The following PCDH9 variants were observed in gnomAD, a reference collection of about 807,000 sequenced individuals.
PCDH9 encodes protocadherin 9, also known as protocadherin-9.
A neutral mutation model predicts 70.6 loss-of-function variants in PCDH9; 24 were observed. The ratio of observed to expected loss-of-function variants is 0.34; its 90% CI spans 0.25 to 0.48. The LOEUF is 0.48. PCDH9 is among the 20% of genes least tolerant of loss of function. The probability of loss-of-function intolerance (pLI) is 0.99; values close to 1 mark genes in which losing one functional copy is unlikely to be tolerated. For missense variants in PCDH9, 1,281 were observed against 1,503.6 expected, an observed-to-expected ratio of 0.85 and a Z score of 2.45; for synonymous variants, 562 against 558.5, an observed-to-expected ratio of 1.01 and a Z score of -0.09.
intron 4 of PCDH9, among the ~76,000 whole-genome samples, chr13:66,490,614 G>T (rs1022017609): frequency 1.3e-5 from 2 of 151,906 alleles, no homozygotes; most frequent in East Asian, 1.9e-4. Flanking sequence ...AGATCAATTC[G>T]TAATGTTTAA....
At chr13:66,555,405 G>A (rs1961687948) in intron 4 of PCDH9, among the ~76,000 whole-genome samples, 1 of 107,306 alleles carries the variant, frequency 9.3e-6, no homozygotes, top group African/African-American at 3.2e-5. Flanking sequence ...TCTGAATAGT[G>A]GCTACATTCT....
In PCDH9 at chr13:66,760,130, C is replaced by T. The variant is rs190142939; in HGVS notation, c.3139-128719G>A. Among the ~76,000 whole-genome samples, 109 of 152,042 alleles carry T rather than the reference C, an allele frequency of 7.2e-4. No homozygotes were observed. In the East Asian group the frequency reaches 0.013, roughly 18 times the overall value. On this transcript the variant is annotated intron_variant, in intron 3 of 4. Coordinates refer to ENST00000377865, the MANE Select transcript of PCDH9 (RefSeq NM_203487.3). ...TGCAGGATATAGTATTTTTGGTTGC[C>T]GGTCATTTTTTTTCCCCCTTCAGCA...
chr13:66,604,614 G>C (rs950299080), intron 4 of PCDH9, among the ~76,000 whole-genome samples: 1 of 151,888 alleles, frequency 6.6e-6, no homozygotes, highest in African/African-American at 2.4e-5. Context: ...ATTTTTTCCT[G>C]AGGTGATTAC....
chr13:66,455,121 G>A, intron 4 of PCDH9, among the ~76,000 whole-genome samples: 1 of 151,916 alleles, frequency 6.6e-6, no homozygotes, highest in East Asian at 1.9e-4. Context: ...CCATCACCTA[G>A]CCAATTCAAT....
intron 3 of PCDH9, among the ~76,000 whole-genome samples, chr13:66,647,454 A>T (rs2077787249): frequency 6.6e-6 from 1 of 152,110 alleles, no homozygotes; most frequent in Non-Finnish European, 1.5e-5. Flanking sequence ...GGCCAAAAGG[A>T]AAACTGCTGT....
Position 66,631,395 on chromosome 13 carries a change from G to T in PCDH9, c.3155C>A (p.Thr1052Lys), listed in dbSNP as rs150709677. The T allele has an allele frequency of 1.2e-6, 2 of 1,607,120 alleles. No homozygotes were observed. Among genetic ancestry groups the T allele is most frequent in the Non-Finnish European group, 8.5e-7 (1 of 1,173,878 alleles). Reference sequence around the variant, plus strand: ...CTGGGAGCCATCAGGGAGATGAAACGTAACACGGCGCTGCGACTACAAAGA... The same window carrying T: ...CTGGGAGCCATCAGGGAGATGAAACTTAACACGGCGCTGCGACTACAAAGA... ...ESHYESQRRV[T>K]FHLPDGSQES... The change falls in exon 4 of 5, where the codon ACG (threonine) becomes AAG (lysine). Residue 1052 changes from threonine to lysine, a missense_variant. Thr to Lys is a moderately conservative substitution (Grantham distance 78, BLOSUM62 -1). Around this residue, in one of 4 missense-constraint regions of PCDH9, gnomAD observed 264 missense variants for 278.8 expected, o/e 0.95. Coordinates refer to ENST00000377865, the MANE Select transcript of PCDH9 (RefSeq NM_203487.3).
chr13:66,361,213 T>C (rs1212655942), intron 4 of PCDH9, among the ~76,000 whole-genome samples: 1 of 152,136 alleles, frequency 6.6e-6, no homozygotes, highest in African/African-American at 2.4e-5. Flanking sequence ...ACTAATCTCA[T>C]AATTATACCC....
chr13:67,068,647 C>A (rs191717353), intron 2 of PCDH9, among the ~76,000 whole-genome samples: 12 of 152,254 alleles, frequency 7.9e-5, no homozygotes, highest in African/African-American at 2.6e-4. Flanking sequence ...TGATCCCAAA[C>A]CTCAAACTCA....
At chr13:66,897,168 C>T (rs974487709) in intron 3 of PCDH9, among the ~76,000 whole-genome samples, 21 of 150,722 alleles carry the variant, frequency 1.4e-4, no homozygotes, top group Non-Finnish European at 2.8e-4. Flanking sequence ...GCATGCATAA[C>T]GTTGCCTCTG....
At chr13:66,842,515 C>T (rs1158643675) in intron 3 of PCDH9, among the ~76,000 whole-genome samples, 2 of 152,120 alleles carry the variant, frequency 1.3e-5, no homozygotes, top group East Asian at 1.9e-4. Context: ...GTCCCATTGA[C>T]GATTTGACCT....
chr13:66,634,927 G>C (rs924099118), intron 3 of PCDH9, among the ~76,000 whole-genome samples: 1 of 152,030 alleles, frequency 6.6e-6, no homozygotes, highest in African/African-American at 2.4e-5. Flanking sequence ...GTGTGGGGTG[G>C]GAAAGACTAA....
intron 3 of PCDH9, among the ~76,000 whole-genome samples, chr13:66,743,470 T>G (rs2079304267): frequency 7.0e-6 from 1 of 141,862 alleles, no homozygotes; most frequent in Non-Finnish European, 1.5e-5. Context: ...AATGTGCACA[T>G]GTACCCTAAA....
intron 2 of PCDH9, chr13:67,218,850 C>T (rs1465105777): frequency 6.6e-6 from 1 of 151,338 alleles, no homozygotes; most frequent in Admixed American, 6.6e-5. Context: ...CTATCTTTGC[C>T]ATTCTTAGCT....
chr13:66,634,403 T>C (rs1053790846), intron 3 of PCDH9, among the ~76,000 whole-genome samples: 20 of 152,222 alleles, frequency 1.3e-4, no homozygotes, highest in African/African-American at 4.8e-4. Context: ...CTGAATAAAT[T>C]GACATGCAGA....
intron 3 of PCDH9, among the ~76,000 whole-genome samples, chr13:66,783,527 C>T (rs760468585): frequency 6.6e-6 from 1 of 152,056 alleles, no homozygotes; most frequent in Non-Finnish European, 1.5e-5. Context: ...TTAAATAAAC[C>T]TAACTGAAAC....
At position 66,763,361 on chromosome 13, in the gene PCDH9, T is replaced by C. The variant is rs1381959546; in HGVS notation, c.3139-131950A>G. On this transcript the variant is annotated intron_variant, in intron 3 of 4. Coordinates refer to ENST00000377865, the MANE Select transcript of PCDH9 (RefSeq NM_203487.3). Reference sequence around the variant, plus strand: ...AAAGTCAGAGCCAAATAAAAGACAATATTTAACTGCAAGGATGTGAAGTAT... The same window carrying C: ...AAAGTCAGAGCCAAATAAAAGACAACATTTAACTGCAAGGATGTGAAGTAT... Among the ~76,000 whole-genome samples, 3 of 152,038 alleles carry C rather than the reference T, an allele frequency of 2.0e-5. No homozygotes were observed. The East Asian group carries it at 5.8e-4, about 29-fold the overall frequency.
intron 4 of PCDH9, among the ~76,000 whole-genome samples, chr13:66,513,802 G>T (rs1327498798): frequency 6.7e-6 from 1 of 149,510 alleles, no homozygotes; most frequent in East Asian, 1.9e-4. Flanking sequence ...CAAAGGTCCA[G>T]CATTCGTTTT....
At chr13:67,063,831 C>T (rs929092674) in intron 2 of PCDH9, among the ~76,000 whole-genome samples, 7 of 152,070 alleles carry the variant, frequency 4.6e-5, no homozygotes, top group Non-Finnish European at 1.0e-4. Context: ...GTTTCTATTT[C>T]TTACAACACA....
chr13:67,095,652 T>C (rs1426626441), intron 2 of PCDH9, among the ~76,000 whole-genome samples: 1 of 152,184 alleles, frequency 6.6e-6, no homozygotes, highest in African/African-American at 2.4e-5. Context: ...TTTCTTCTAA[T>C]GGAATTCCTG....
Sources: allele counts gnomAD v4.1 joint callset (sites outside exome capture counted in the v4.1 genomes callset), GRCh38; gene constraint gnomAD v4.1.1; regional missense constraint gnomAD v4.1.1; transcripts MANE v1.5; gene names NCBI Gene and HGNC (gene_info 2026-07-23, HGNC 2026-07-21).